Variants in ZBTB20 observed in about 807,000 individuals in gnomAD.
ZBTB20 encodes the protein zinc finger and BTB domain containing 20.
Under a neutral mutation model 56.9 loss-of-function variants are expected in ZBTB20, and 9 were observed. The ratio of observed to expected loss-of-function variants is 0.16; its 90% CI spans 0.10 to 0.28. ZBTB20 has a LOEUF of 0.28. Among genes scored for constraint, ZBTB20 ranks in the 10% least tolerant of loss-of-function variants. The probability of loss-of-function intolerance (pLI) is 1.00; values close to 1 mark genes in which losing one functional copy is unlikely to be tolerated. For synonymous variants in ZBTB20, 417 were observed against 420.7 expected (o/e 0.99, Z 0.11); for missense variants, 655 against 1,003.0 (o/e 0.65, Z 4.69).
At chr3:114,508,939 C>A (rs1037809953) in intron 6 of ZBTB20, among the ~76,000 whole-genome samples, 4 of 152,090 alleles carry the variant, frequency 2.6e-5, no homozygotes, top group African/African-American at 9.7e-5. Context: ...AGTATCACTA[C>A]AGAAAATAAA....
At chr3:114,815,512 T>G (rs1245399196) in intron 4 of ZBTB20, among the ~76,000 whole-genome samples, 1 of 152,168 alleles carries the variant, frequency 6.6e-6, no homozygotes, top group Non-Finnish European at 1.5e-5. Context: ...AGCCTCCTAT[T>G]TTTACTATTT....
chr3:114,944,765 G>A (rs1350429660), intron 3 of ZBTB20, among the ~76,000 whole-genome samples: 2 of 145,476 alleles, frequency 1.4e-5, no homozygotes, highest in Non-Finnish European at 3.0e-5. Context: ...ACTTAAGTGT[G>A]AAATCCAAAA....
At chr3:115,010,439 A>G (rs888153726) in intron 2 of ZBTB20, among the ~76,000 whole-genome samples, 2 of 151,966 alleles carry the variant, frequency 1.3e-5, no homozygotes, top group African/African-American at 4.8e-5. Flanking sequence ...TGCATAGCTT[A>G]GAGCAGAGAA....
intron 2 of ZBTB20, among the ~76,000 whole-genome samples, chr3:114,989,854 CTT>C (rs1406616459): frequency 6.6e-6 from 1 of 152,118 alleles, no homozygotes; most frequent in Non-Finnish European, 1.5e-5. Flanking sequence ...ATTTTACTCT[CTT>C]TGAAGCAATT....
chr3:114,651,773 G>A (rs533898713), intron 6 of ZBTB20, among the ~76,000 whole-genome samples: 93 of 152,094 alleles, frequency 6.1e-4, no homozygotes, highest in Middle Eastern at 3.4e-3. Flanking sequence ...TTGCCCAAGC[G>A]TTCGACTGTC....
intron 7 of ZBTB20, among the ~76,000 whole-genome samples, chr3:114,409,894 A>G (rs1576633423): frequency 6.6e-6 from 1 of 152,154 alleles, no homozygotes. Flanking sequence ...ACAGAAAGAA[A>G]ATAGGACTTT....
intron 2 of ZBTB20, among the ~76,000 whole-genome samples, chr3:114,986,592 A>G (rs1410928020): frequency 6.6e-6 from 1 of 152,120 alleles, no homozygotes; most frequent in East Asian, 1.9e-4. Flanking sequence ...TACATCTATT[A>G]TAACAATTCT....
At chr3:114,366,414 G>T (rs533867270) in intron 10 of ZBTB20, among the ~76,000 whole-genome samples, 1 of 152,232 alleles carries the variant, frequency 6.6e-6, no homozygotes, top group East Asian at 1.9e-4. Context: ...CTGTAACCCT[G>T]AGAATCCTTG....
At chr3:114,818,066 A>G (rs1034837654) in intron 4 of ZBTB20, among the ~76,000 whole-genome samples, 2 of 152,196 alleles carry the variant, frequency 1.3e-5, no homozygotes, top group Non-Finnish European at 2.9e-5. Context: ...GTCATACTCT[A>G]CAAGAAGTGG....
At chr3:114,636,906 A>G (rs2059305719) in intron 6 of ZBTB20, among the ~76,000 whole-genome samples, 1 of 70,182 alleles carries the variant, frequency 1.4e-5, no homozygotes, top group Non-Finnish European at 2.7e-5. Flanking sequence ...ATGCTGTTAA[A>G]ACAGCAACAA....
chr3:114,822,748 T>C (rs538202049), intron 4 of ZBTB20, among the ~76,000 whole-genome samples: 6 of 152,210 alleles, frequency 3.9e-5, no homozygotes, highest in Admixed American at 1.3e-4. Flanking sequence ...TAAAGTGCTT[T>C]GTACATAGTA....
At position 114,463,961 on chromosome 3, in the gene ZBTB20, G is replaced by A. The variant is rs147518478; in HGVS notation, c.-255+36391C>T. On this transcript the variant is annotated intron_variant, in intron 7 of 11. Transcript: ENST00000675478. The stretch of plus-strand genomic sequence containing the variant: ...ACATAAGTCATTAATATAATTGTGC[G>A]AAGAATATCTCTGAATATATTGAAC... Among the ~76,000 whole-genome samples the A allele has an allele frequency of 2.4e-3, 364 of 152,262 alleles. 2 individuals carry two copies. Among genetic ancestry groups the A allele is most frequent in the African/African-American group, 8.0e-3 (332 of 41,556 alleles).
At chr3:114,689,349 T>A (rs2062557028) in intron 6 of ZBTB20, among the ~76,000 whole-genome samples, 1 of 152,118 alleles carries the variant, frequency 6.6e-6, no homozygotes. Flanking sequence ...TATCCTTAGG[T>A]CTAAAATGAA....
In ZBTB20 at chr3:114,351,252, G is replaced by A. The variant is rs889841439; in HGVS notation, c.826C>T (p.Leu276=). ...TCTTCCATGTGGTGGTCGCGGGGCA[G>A]GCCGAGCGCAGTCTCGTGGTGGCTG... ...VVSHHETALG[L]PRDHHMEDPS... is the part of the protein sequence containing the mutation. Residue 276 remains leucine, a synonymous_variant, in exon 11 of 12, where the codon CTG becomes TTG. Coordinates refer to ENST00000675478, the MANE Select transcript of ZBTB20 (RefSeq NM_001348800.3). 6.2e-7 allele frequency: 1 copy of A among 1,600,846 alleles called. No individual in the cohort carries two copies.
chr3:115,010,900 T>A (rs749315255), intron 2 of ZBTB20, among the ~76,000 whole-genome samples: 1 of 151,886 alleles, frequency 6.6e-6, no homozygotes, highest in Non-Finnish European at 1.5e-5. Flanking sequence ...AATTTCAAGA[T>A]AACACAGAGA....
chr3:114,650,353 T>C (rs2060066816), intron 6 of ZBTB20, among the ~76,000 whole-genome samples: 1 of 151,962 alleles, frequency 6.6e-6, no homozygotes, highest in Non-Finnish European at 1.5e-5. Flanking sequence ...TCTAAGAATA[T>C]GCATTGGCCT....
At chr3:114,770,374 T>C (rs1449775611) in intron 5 of ZBTB20, among the ~76,000 whole-genome samples, 1 of 150,218 alleles carries the variant, frequency 6.7e-6, no homozygotes, top group Non-Finnish European at 1.5e-5. Flanking sequence ...CAGGAGGCAG[T>C]AGCTGCAGTG....
At chr3:114,914,576 A>T (rs2107725078) in intron 3 of ZBTB20, among the ~76,000 whole-genome samples, 2 of 151,958 alleles carry the variant, frequency 1.3e-5, no homozygotes, top group South Asian at 4.2e-4. Context: ...CTCTAATTGT[A>T]CTACTATGAC....
chr3:114,747,418 T>C (rs2067124170), intron 5 of ZBTB20, among the ~76,000 whole-genome samples: 1 of 151,960 alleles, frequency 6.6e-6, no homozygotes, highest in South Asian at 2.1e-4. Flanking sequence ...ATATAAAAAA[T>C]TAGCCAGGCA....
Sources: gnomAD v4.1 joint callset for allele counts (sites outside exome capture counted in the v4.1 genomes callset) on GRCh38, gnomAD v4.1.1 for gene constraint, MANE v1.5 for transcripts, NCBI Gene and HGNC (gene_info 2026-07-23, HGNC 2026-07-21) for gene names.